Variants in SLC16A7 observed in about 807,000 individuals in gnomAD.
The protein encoded by SLC16A7 is solute carrier family 16 member 7.
In SLC16A7, 33 loss-of-function variants were observed where a neutral mutation model predicts 34.9. The ratio of observed to expected loss-of-function variants is 0.94; its 90% CI spans 0.72 to 1.26. The LOEUF is 1.26. Among genes scored for constraint, SLC16A7 ranks in the 50% most tolerant of loss-of-function variants. SLC16A7 has a pLI of 0.00. For missense variants in SLC16A7, 573 were observed against 578.1 expected (o/e 0.99, Z 0.09); for synonymous variants, 201 against 206.6 (o/e 0.97, Z 0.23).
intron 3 of SLC16A7, among the ~76,000 whole-genome samples, chr12:59,753,366 A>G (rs1366968552): frequency 1.3e-5 from 2 of 152,220 alleles, no homozygotes; most frequent in Non-Finnish European, 2.9e-5. Flanking sequence ...AACCCATTTC[A>G]TGTGCAGAGA....
intron 3 of SLC16A7, among the ~76,000 whole-genome samples, chr12:59,721,305 C>T (rs996696817): frequency 6.6e-6 from 1 of 151,944 alleles, no homozygotes; most frequent in East Asian, 1.9e-4. Context: ...ACCACATTCT[C>T]CTGCCTGTTT....
intron 2 of SLC16A7, among the ~76,000 whole-genome samples, chr12:59,691,170 A>G (rs978605893): frequency 6.6e-6 from 1 of 152,000 alleles, no homozygotes; most frequent in Non-Finnish European, 1.5e-5. Context: ...AGATATGTAA[A>G]TATATGTACA....
At chr12:59,722,055 T>C (rs542561085) in intron 3 of SLC16A7, among the ~76,000 whole-genome samples, 6 of 151,868 alleles carry the variant, frequency 4.0e-5, no homozygotes, top group Non-Finnish European at 7.4e-5. Context: ...TAAATTTATA[T>C]CTTCAGTTTC....
At chr12:59,697,035 T>C (rs1872380145) in intron 2 of SLC16A7, among the ~76,000 whole-genome samples, 1 of 151,972 alleles carries the variant, frequency 6.6e-6, no homozygotes, top group East Asian at 1.9e-4. Context: ...TGTTTTTTAT[T>C]TAAAGGCAAG....
At chr12:59,598,453 G>GTCATACAAGAAA (rs1404149875) in intron 1 of SLC16A7, among the ~76,000 whole-genome samples, 4 of 151,978 alleles carry the variant, frequency 2.6e-5, no homozygotes, top group Non-Finnish European at 5.9e-5. Flanking sequence ...CAGTCATTCA[G>GTCATACAAGAAA]GTTAATCTTT....
chr12:59,675,626 A>T (rs965578282), intron 2 of SLC16A7, among the ~76,000 whole-genome samples: 1 of 152,244 alleles, frequency 6.6e-6, no homozygotes, highest in Non-Finnish European at 1.5e-5. Context: ...AGAGGAAGAT[A>T]CAGAGAGGGG....
chr12:59,700,205 G>T (rs1436941264), intron 2 of SLC16A7, among the ~76,000 whole-genome samples: 1 of 151,634 alleles, frequency 6.6e-6, no homozygotes, highest in Non-Finnish European at 1.5e-5. Flanking sequence ...ATGAAAATGT[G>T]ATCAGAGTCT....
At chr12:59,711,141 G>T (rs1874180305) in intron 3 of SLC16A7, among the ~76,000 whole-genome samples, 1 of 152,162 alleles carries the variant, frequency 6.6e-6, no homozygotes, top group African/African-American at 2.4e-5. Flanking sequence ...GCAGGCAGTG[G>T]GTGAATGAGG....
intron 3 of SLC16A7, among the ~76,000 whole-genome samples, chr12:59,708,306 TC>T (rs1873819842): frequency 6.6e-6 from 1 of 152,016 alleles, no homozygotes; most frequent in African/African-American, 2.4e-5. Context: ...TTATCCCAAA[TC>T]CCCTTTTATC....
At chr12:59,670,855 C>T (rs1869620549) in intron 2 of SLC16A7, among the ~76,000 whole-genome samples, 1 of 152,186 alleles carries the variant, frequency 6.6e-6, no homozygotes, top group Admixed American at 6.5e-5. Context: ...GCCCCCTCCA[C>T]CCTGGTTGGT....
At chr12:59,672,122 G>A (rs374666621) in intron 2 of SLC16A7, among the ~76,000 whole-genome samples, 2 of 17,790 alleles carry the variant, frequency 1.1e-4, no homozygotes, top group East Asian at 9.3e-4. Context: ...GTGTATATAT[G>A]CATATATACG....
Position 59,781,981 on chromosome 12 carries a change from G to T in SLC16A7, c.*2302G>T, listed in dbSNP as rs1883282313. Reference sequence around the variant, plus strand: ...TTCAGTGGCCTTCTCCAGGGAGGAGGTTTATTTACTTACTGATGAGTTTCT... The same window carrying T: ...TTCAGTGGCCTTCTCCAGGGAGGAGTTTTATTTACTTACTGATGAGTTTCT... On this transcript the variant is annotated 3_prime_UTR_variant, in exon 6 of 6. Coordinates refer to ENST00000547379, the MANE Select transcript of SLC16A7 (RefSeq NM_001270623.2). 1 of 152,098 alleles carries T rather than the reference G, an allele frequency of 6.6e-6. No homozygotes were observed. Among genetic ancestry groups the T allele is most frequent in the Admixed American group, 6.6e-5 (1 of 15,252 alleles). 9.4% of individuals were successfully genotyped at this position (152,098 alleles called of 1,614,324 possible). A position where few individuals can be genotyped will look rare whatever the true frequency, so the allele number is the denominator to read the frequency against.
chr12:59,631,932 G>A (rs1431432183), intron 1 of SLC16A7, among the ~76,000 whole-genome samples: 1 of 152,006 alleles, frequency 6.6e-6, no homozygotes, highest in Non-Finnish European at 1.5e-5. Context: ...TTGTTTGTGT[G>A]TGGGAAGTGG....
chr12:59,671,834 T>C (rs1869749769), intron 2 of SLC16A7, among the ~76,000 whole-genome samples: 1 of 133,540 alleles, frequency 7.5e-6, no homozygotes, highest in South Asian at 2.3e-4. Flanking sequence ...TATGTATATA[T>C]GTATATATGT....
At position 59,730,255 on chromosome 12, in the gene SLC16A7, G is replaced by A. The variant is rs140228352; in HGVS notation, c.217+25237G>A. Among the ~76,000 whole-genome samples the A allele has an allele frequency of 5.7e-3, 849 of 150,174 alleles. 2 individuals are homozygous for A. Among genetic ancestry groups the A allele is most frequent in the African/African-American group, 0.02 (813 of 40,904 alleles). On this transcript the variant is annotated intron_variant, in intron 3 of 5. Coordinates refer to ENST00000547379, the MANE Select transcript of SLC16A7 (RefSeq NM_001270623.2). ...CTGACTCATATTTAGGCACCTCTCC[G>A]TTAGCACTGTCTACCAAAAATAACT...
At chr12:59,604,172 A>G (rs1289626895) in intron 1 of SLC16A7, among the ~76,000 whole-genome samples, 1 of 152,240 alleles carries the variant, frequency 6.6e-6, no homozygotes, top group Non-Finnish European at 1.5e-5. Flanking sequence ...AAGGATAACA[A>G]TGGTTTTGAA....
At chr12:59,702,656 A>T (rs977986712) in intron 2 of SLC16A7, among the ~76,000 whole-genome samples, 1 of 152,128 alleles carries the variant, frequency 6.6e-6, no homozygotes, top group Non-Finnish European at 1.5e-5. Context: ...TAGGCTTCTA[A>T]CATACAAATG....
chr12:59,720,597 A>C (rs1412888913), intron 3 of SLC16A7, among the ~76,000 whole-genome samples: 3 of 152,080 alleles, frequency 2.0e-5, no homozygotes, highest in Non-Finnish European at 4.4e-5. Flanking sequence ...TGAATTAAGC[A>C]ATAGCTATCA....
At chr12:59,633,556 A>G (rs1028298577) in intron 1 of SLC16A7, among the ~76,000 whole-genome samples, 3 of 152,014 alleles carry the variant, frequency 2.0e-5, no homozygotes, top group African/African-American at 7.2e-5. Context: ...AATAATAATG[A>G]CAAATTAAAT....
Sources: allele counts gnomAD v4.1 joint callset (sites outside exome capture counted in the v4.1 genomes callset), GRCh38; gene constraint gnomAD v4.1.1; transcripts MANE v1.5; gene names NCBI Gene and HGNC (gene_info 2026-07-23, HGNC 2026-07-21).